ERCC6L2: variants seen among roughly 807,000 people sequenced by gnomAD.
ERCC6L2 encodes DNA excision repair protein ERCC-6-like 2.
ERCC6L2 carries 77 observed loss-of-function variants against 132.0 expected under a neutral mutation model. That is an observed-to-expected ratio of 0.58 (90% confidence interval 0.49 to 0.71). ERCC6L2 has a LOEUF of 0.71. Ranked by LOEUF, ERCC6L2 falls within the 30% of genes least tolerant of loss-of-function variation. The pLI is 0.00. For synonymous variants in ERCC6L2, 583 were observed against 632.4 expected (o/e 0.92, Z 1.17); for missense variants, 1,542 against 1,837.6 (o/e 0.84, Z 2.94).
intron 2 of ERCC6L2, among the ~76,000 whole-genome samples, chr9:95,894,271 G>T (rs535800305): frequency 2.0e-5 from 3 of 152,108 alleles, no homozygotes; most frequent in Non-Finnish European, 2.9e-5. Flanking sequence ...TTATACCATT[G>T]TAAATTGAAA....
intron 19 of ERCC6L2, among the ~76,000 whole-genome samples, chr9:96,025,549 C>A (rs924591577): frequency 6.6e-6 from 1 of 151,934 alleles, no homozygotes; most frequent in African/African-American, 2.4e-5. Flanking sequence ...GGAAGGGACA[C>A]TGAGCTACAC....
chr9:96,040,442 G>T (rs73654822), intron 20 of ERCC6L2, among the ~76,000 whole-genome samples: 8,572 of 152,252 alleles, frequency 0.056, 811 homozygotes, highest in African/African-American at 0.2. Context: ...TCTCATGAAG[G>T]CCTGGCCTCT....
chr9:96,012,348 A>G lies in ERCC6L2; in HGVS notation c.3798A>G (p.Gln1266=), dbSNP rs143631021. ...TGCTAAGAGACTTTTATGCTTCTCA[A>G]TATCCAGAGGTAAAAGAATTTTTTG... ...QKMLRDFYAS[Q]YPEVKEFFVD... The change falls in exon 19 of 19, where the codon CAA becomes CAG. Residue 1266 remains glutamine (Q), a synonymous_variant. Coordinates refer to ENST00000653738, the MANE Select transcript of ERCC6L2 (RefSeq NM_020207.7). The G allele has an allele frequency of 1.8e-5, 24 of 1,362,278 alleles. No homozygotes were observed. The African/African-American group carries it at 2.5e-4, about 14-fold the overall frequency. The allele number at this position is 1,362,278 out of a possible 1,614,324, so 84.4% of individuals were successfully genotyped here.
intron 19 of ERCC6L2, among the ~76,000 whole-genome samples, chr9:96,036,923 C>T (rs1284015361): frequency 2.7e-5 from 4 of 150,618 alleles, no homozygotes; most frequent in Admixed American, 6.6e-5. Flanking sequence ...CCCGCCACTA[C>T]GCCCGGCTAA....
chr9:96,002,411 A>G (rs976540780), intron 17 of ERCC6L2, among the ~76,000 whole-genome samples: 5 of 137,552 alleles, frequency 3.6e-5, no homozygotes, highest in African/African-American at 1.4e-4. Flanking sequence ...GAGAAGACGG[A>G]TGTTAGTTTG....
intron 6 of ERCC6L2, chr9:95,918,098 T>G: frequency 3.1e-6 from 1 of 322,288 alleles, no homozygotes; most frequent in Non-Finnish European, 6.0e-6. Context: ...GCATCCTTCT[T>G]CAGTCTGGTT....
chr9:95,945,353 T>C (rs1250670841), intron 12 of ERCC6L2, among the ~76,000 whole-genome samples: 1 of 152,242 alleles, frequency 6.6e-6, no homozygotes, highest in African/African-American at 2.4e-5. Context: ...TTTGCTGTTA[T>C]CCTGTTCTTT....
intron 12 of ERCC6L2, among the ~76,000 whole-genome samples, chr9:95,951,517 G>C (rs1226909902): frequency 1.3e-5 from 2 of 152,064 alleles, no homozygotes; most frequent in African/African-American, 4.8e-5. Context: ...ACCAAGAGTT[G>C]GTTGTTTGAA....
chr9:95,979,130 T>A (rs1219480214), intron 17 of ERCC6L2, among the ~76,000 whole-genome samples: 2 of 152,214 alleles, frequency 1.3e-5, no homozygotes, highest in Non-Finnish European at 2.9e-5. Context: ...CCAGATATTA[T>A]ATTAAAATGG....
At chr9:95,993,401 T>C (rs1833367069) in intron 17 of ERCC6L2, among the ~76,000 whole-genome samples, 1 of 152,234 alleles carries the variant, frequency 6.6e-6, no homozygotes, top group Admixed American at 6.5e-5. Context: ...ATTGCACATC[T>C]GCAAGCTTTG....
intron 17 of ERCC6L2, among the ~76,000 whole-genome samples, chr9:95,991,800 A>T (rs1261639955): frequency 6.6e-6 from 1 of 152,228 alleles, no homozygotes; most frequent in African/African-American, 2.4e-5. Context: ...TTTCTAAATG[A>T]CCAGTGAATG....
chr9:95,972,562 A>G lies in ERCC6L2; in HGVS notation c.2811A>G (p.Val937=), dbSNP rs41281212. ...AGGATTCTGAAACAGAACACACTGT[A>G]AAAACAAGAAATAATGATAATAGTC... The part of the protein sequence containing the change: ...GSEDSETEHT[V]KTRNNDNSRN... Residue 937 remains valine (V), a synonymous_variant, in exon 16 of 19, where the codon GTA becomes GTG. Transcript: ENST00000653738. 19,360 of 1,289,574 alleles carry G rather than the reference A, an allele frequency of 0.015. 157 individuals carry two copies. Among genetic ancestry groups the G allele is most frequent in the Non-Finnish European group, 0.017 (16,986 of 988,750 alleles). 79.9% of individuals were successfully genotyped at this position (1,289,574 alleles called of 1,614,324 possible). A position where few individuals can be genotyped will look rare whatever the true frequency, so the allele number is the denominator to read the frequency against.
intron 10 of ERCC6L2, 46 bp from the exon 11 acceptor site, chr9:95,928,673 A>C: frequency 1.3e-6 from 2 of 1,531,918 alleles, no homozygotes; most frequent in Non-Finnish European, 8.8e-7. Context: ...TCTGAAACTT[A>C]CTTAACCAAG....
In ERCC6L2 at chr9:96,013,098, A is replaced by T. The variant is rs1314804353; in HGVS notation, c.4548A>T (p.Glu1516Asp). The change falls in exon 19 of 19, where the codon GAA becomes GAT. Residue 1516 changes from glutamate (E) to aspartate (D), a missense_variant. Around this residue, in one of 4 missense-constraint regions of ERCC6L2, gnomAD observed 442 missense variants for 583.4 expected, o/e 0.76. Transcript: ENST00000653738. ...APLAAPFKRR[E>D]EPATSLWKSN... ...TAGCAGCACCCTTTAAAAGGAGAGA[A>T]GAGCCAGCAACTTCTCTTTGGAAAT... 7.3e-7 allele frequency: 1 copy of T among 1,367,554 alleles called. No homozygotes were observed. The highest frequency in any genetic ancestry group is 1.5e-5 in the African/African-American group (1 of 67,758). 84.7% of individuals were successfully genotyped at this position (1,367,554 alleles called of 1,614,324 possible).
In ERCC6L2 at chr9:95,927,119, A is replaced by G. The variant is rs555671447; in HGVS notation, c.1534-960A>G. On this transcript the variant is annotated intron_variant, in intron 9 of 18. Coordinates refer to ENST00000653738, the MANE Select transcript of ERCC6L2 (RefSeq NM_020207.7). ...TGAAAGTAATGTTTACCCGATCCAT[A>G]ACATTTTTATTTACCATTTGATAAA... is the stretch of plus-strand genomic sequence containing the variant. Among the ~76,000 whole-genome samples the G allele has an allele frequency of 1.1e-3, 165 of 152,280 alleles. 1 individual carries two copies. Among genetic ancestry groups the G allele is most frequent in the African/African-American group, 3.8e-3 (157 of 41,584 alleles).
chr9:95,896,380 TTTTGTTTGTTTG>T (rs201374421), intron 2 of ERCC6L2, among the ~76,000 whole-genome samples: 3 of 151,594 alleles, frequency 2.0e-5, no homozygotes, highest in Non-Finnish European at 2.9e-5. Context: ...CTATTTGTTT[TTTTGTTTGTTTG>T]TTTGTTTGTT....
intron 12 of ERCC6L2, among the ~76,000 whole-genome samples, chr9:95,941,951 G>T (rs1587946063): frequency 6.6e-6 from 1 of 152,102 alleles, no homozygotes; most frequent in African/African-American, 2.4e-5. Context: ...TTAAGCATGG[G>T]CTTGCAACTA....
rs1472436225 is a variant in ERCC6L2 at position 95,928,161 on chromosome 9, C to G, written c.1605+11C>G. The G allele has an allele frequency of 3.1e-6, 5 of 1,592,592 alleles. No homozygotes were observed. The highest frequency in any genetic ancestry group is 4.3e-6 in the Non-Finnish European group (5 of 1,161,318). On this transcript the variant is annotated intron_variant, in intron 10 of 18. Coordinates refer to ENST00000653738, the MANE Select transcript of ERCC6L2 (RefSeq NM_020207.7). ...TCTTTTTCCACCAAGGTGAGTTCAT[C>G]TAAAGTATATCCTTGATTGGCCAGC...
chr9:95,915,972 G>A (rs1829566536), intron 5 of ERCC6L2, 143 bp downstream of exon 5: 2 of 860,248 alleles, frequency 2.3e-6, no homozygotes, highest in Admixed American at 5.9e-5. Flanking sequence ...GGTATACACA[G>A]TAGAGAGTCC....
Sources: allele counts gnomAD v4.1 joint callset (sites outside exome capture counted in the v4.1 genomes callset), GRCh38; gene constraint gnomAD v4.1.1; regional missense constraint gnomAD v4.1.1; transcripts MANE v1.5; gene names NCBI Gene and HGNC (gene_info 2026-07-23, HGNC 2026-07-21).